SGPP1: variants seen among roughly 807,000 people sequenced by gnomAD.
SGPP1 encodes the protein hSPP1.
SGPP1 carries 21 observed loss-of-function variants against 33.0 expected under a neutral mutation model. The ratio of observed to expected loss-of-function variants is 0.64; its 90% CI spans 0.45 to 0.92. SGPP1 has a LOEUF of 0.92. Ranked by LOEUF, SGPP1 falls within the 40% of genes least tolerant of loss-of-function variation. The pLI, the probability that SGPP1 is intolerant of heterozygous loss-of-function variation, is 0.00. For synonymous variants in SGPP1, 239 were observed against 241.2 expected, an observed-to-expected ratio of 0.99 and a Z score of 0.08; for missense variants, 543 against 589.4, an observed-to-expected ratio of 0.92 and a Z score of 0.81.
intron 2 of SGPP1, among the ~76,000 whole-genome samples, chr14:63,689,780 G>C (rs891577836): frequency 4.0e-5 from 6 of 148,652 alleles, no homozygotes; most frequent in Admixed American, 6.7e-5. Flanking sequence ...CTTGGTGACA[G>C]AGCAAGACTC....
intron 1 of SGPP1, among the ~76,000 whole-genome samples, chr14:63,708,325 G>C (rs538495991): frequency 7.2e-6 from 1 of 139,212 alleles, no homozygotes; most frequent in African/African-American, 2.7e-5. Flanking sequence ...GCCCCATCTC[G>C]GTTTACTGCA....
intron 1 of SGPP1, among the ~76,000 whole-genome samples, chr14:63,715,331 C>A (rs554231197): frequency 5.9e-5 from 9 of 152,114 alleles, no homozygotes; most frequent in African/African-American, 2.2e-4. Context: ...CTTATGAATA[C>A]AGTTCATCTG....
At position 63,719,002 on chromosome 14, in the gene SGPP1, ATATATATATATATTTTTTTTTTTTTTTT is replaced by A. The variant is rs1268879936; in HGVS notation, c.684+8231_684+8258del. 4.7e-4 allele frequency among the ~76,000 whole-genome samples: 11 copies of A among 23,398 alleles called. 1 individual carries two copies. The highest frequency in any genetic ancestry group is 2.5e-3 in the African/African-American group (11 of 4,362). 15.3% of individuals were successfully genotyped at this position (23,398 alleles called of 152,430 possible). ...CATATATATATATATATATATATATATATATATATATATTTTTTTTTTTTTTTTTTTTTTTTTTTTTTGACATGGAGTT... is the reference window on the plus strand; with the variant it reads ...CATATATATATATATATATATATATATTTTTTTTTTTTTTGACATGGAGTT... On this transcript the variant is annotated intron_variant, in intron 1 of 2. Transcript: ENST00000247225.
At chr14:63,693,473 A>T (rs911470777) in intron 2 of SGPP1, among the ~76,000 whole-genome samples, 1 of 152,258 alleles carries the variant, frequency 6.6e-6, no homozygotes, top group Non-Finnish European at 1.5e-5. Context: ...TAAACTTTGT[A>T]CTTTTCACAT....
chr14:63,697,260 T>G (rs1403144056), intron 2 of SGPP1, among the ~76,000 whole-genome samples: 1 of 152,192 alleles, frequency 6.6e-6, no homozygotes, highest in Non-Finnish European at 1.5e-5. Context: ...AAATAGTGTT[T>G]GGGACTTCTG....
At chr14:63,723,880 G>A (rs927184780) in intron 1 of SGPP1, among the ~76,000 whole-genome samples, 2 of 151,894 alleles carry the variant, frequency 1.3e-5, no homozygotes, top group African/African-American at 2.4e-5. Flanking sequence ...GAGTTTGTAC[G>A]CTGTCTTTTT....
chr14:63,685,463 T>C lies in SGPP1; in HGVS notation c.*642A>G, dbSNP rs1884949961. On this transcript the variant is annotated 3_prime_UTR_variant, in exon 3 of 3. Transcript: ENST00000247225. ...ACAGTATACAGAACTTAAAAAAAAA[T>C]CCAAAAACTAATTTTTCTAAAAATT... 6.6e-6 allele frequency: 1 copy of C among 151,994 alleles called. No homozygotes were observed. The highest frequency in any genetic ancestry group is 2.4e-5 in the African/African-American group (1 of 41,206). 9.4% of individuals were successfully genotyped at this position (151,994 alleles called of 1,614,324 possible).
intron 2 of SGPP1, among the ~76,000 whole-genome samples, chr14:63,696,219 G>T (rs186536083): frequency 8.8e-4 from 134 of 152,264 alleles, no homozygotes; most frequent in South Asian, 6.0e-3. Context: ...AAGTTGCAGT[G>T]AGCTGAGATC....
intron 1 of SGPP1, among the ~76,000 whole-genome samples, chr14:63,702,569 G>A (rs189327256): frequency 6.6e-6 from 1 of 152,186 alleles, no homozygotes. Context: ...AATTAGCCAG[G>A]TGTAGTGGCA....
In SGPP1 at chr14:63,727,928, C is replaced by A; in HGVS notation, c.17G>T (p.Arg6Leu). Residue 6 changes from arginine to leucine, a missense_variant, in exon 1 of 3, where the codon CGC becomes CTC. Physicochemically the swap from Arg to Leu is moderately radical, Grantham distance 102. Coordinates refer to ENST00000247225, the MANE Select transcript of SGPP1 (RefSeq NM_030791.4). MSLRQ[R>L]LAQLVGRLQD... is the part of the protein sequence containing the mutation. ...CAGACGGCCAACCAGCTGGGCCAGG[C>A]GCTGCCTCAGCGACATGATAACGGA... 1 of 1,545,166 alleles carries A rather than the reference C, an allele frequency of 6.5e-7. No homozygotes were observed. The highest frequency in any genetic ancestry group is 8.7e-7 in the Non-Finnish European group (1 of 1,154,828).
At chr14:63,724,723 G>A (rs1885842950) in intron 1 of SGPP1, among the ~76,000 whole-genome samples, 1 of 151,262 alleles carries the variant, frequency 6.6e-6, no homozygotes, top group African/African-American at 2.4e-5. Flanking sequence ...GGAGGCCGAT[G>A]AGCGGGGGGC....
At position 63,727,393 on chromosome 14, in the gene SGPP1, C is replaced by A; in HGVS notation, c.552G>T (p.Pro184=). The part of the protein sequence containing the change: ...GQCTKDIIRW[P]RPASPPVVKL... ...TGACCACGGGCGGCGAGGCGGGCCT[C>A]GGCCAGCGGATGATGTCCTTGGTGC... The change falls in exon 1 of 3, where the codon CCG becomes CCT. Residue 184 remains proline (P), a synonymous_variant. Coordinates refer to ENST00000247225, the MANE Select transcript of SGPP1 (RefSeq NM_030791.4). The A allele has an allele frequency of 6.2e-7, 1 of 1,613,972 alleles. No homozygotes were observed. Among genetic ancestry groups the A allele is most frequent in the Non-Finnish European group, 8.5e-7 (1 of 1,179,996 alleles).
At chr14:63,696,578 TA>T (rs1337910025) in intron 2 of SGPP1, among the ~76,000 whole-genome samples, 1 of 152,216 alleles carries the variant, frequency 6.6e-6, no homozygotes, top group Non-Finnish European at 1.5e-5. Context: ...ATATGATACT[TA>T]ATCTGATTAC....
At chr14:63,720,584 C>A (rs1885750511) in intron 1 of SGPP1, among the ~76,000 whole-genome samples, 1 of 151,964 alleles carries the variant, frequency 6.6e-6, no homozygotes, top group Admixed American at 6.6e-5. Flanking sequence ...CATGCTGAAA[C>A]CCCATTTCTA....
chr14:63,694,916 C>A (rs1227210693), intron 2 of SGPP1, among the ~76,000 whole-genome samples: 1 of 152,130 alleles, frequency 6.6e-6, no homozygotes, highest in African/African-American at 2.4e-5. Context: ...AAATACCATA[C>A]ATTTAATGAA....
chr14:63,689,768 G>A (rs1479058053), intron 2 of SGPP1, among the ~76,000 whole-genome samples: 1 of 150,264 alleles, frequency 6.7e-6, no homozygotes, highest in Admixed American at 6.7e-5. Context: ...CTGCACTCTA[G>A]CCTTGGTGAC....
At position 63,727,299 on chromosome 14, in the gene SGPP1, G is replaced by C; in HGVS notation, c.646C>G (p.Pro216Ala). 3 of 1,613,900 alleles carry C rather than the reference G, an allele frequency of 1.9e-6. No individual in the cohort carries two copies. Among genetic ancestry groups the C allele is most frequent in the Non-Finnish European group, 2.5e-6 (3 of 1,179,866 alleles). Residue 216 changes from proline (P) to alanine (A), a missense_variant, in exon 1 of 3, where the codon CCC becomes GCC. Physicochemically the swap from Pro to Ala is conservative, Grantham distance 27. Transcript: ENST00000247225. ...STHAMSGTAI[P>A]ISMVLLTYGR... Reference sequence around the variant, plus strand: ...TAGGTGAGGAGGACCATAGAAATGGGGATGGCGGTGCCGGACATGGCATGG... The same window carrying C: ...TAGGTGAGGAGGACCATAGAAATGGCGATGGCGGTGCCGGACATGGCATGG...
At chr14:63,723,634 G>T (rs373620819) in intron 1 of SGPP1, among the ~76,000 whole-genome samples, 2 of 151,644 alleles carry the variant, frequency 1.3e-5, no homozygotes, top group East Asian at 3.9e-4. Context: ...CAGGAGAATC[G>T]CTTGAACCGG....
intron 1 of SGPP1, among the ~76,000 whole-genome samples, chr14:63,720,632 C>G (rs966691735): frequency 6.6e-6 from 1 of 151,602 alleles, no homozygotes; most frequent in Non-Finnish European, 1.5e-5. Flanking sequence ...TGATGGTGGA[C>G]GCCTGTAATC....
Sources: gnomAD v4.1 joint callset for allele counts (sites outside exome capture counted in the v4.1 genomes callset) on GRCh38, gnomAD v4.1.1 for gene constraint, MANE v1.5 for transcripts, NCBI Gene and HGNC (gene_info 2026-07-23, HGNC 2026-07-21) for gene names.